The following CCDC174 variants were observed in gnomAD, a reference collection of about 807,000 sequenced individuals.
CCDC174 encodes the protein coiled-coil domain containing 174.
Under a neutral mutation model 57.1 loss-of-function variants are expected in CCDC174, and 37 were observed. The observed-to-expected ratio is 0.65, with a 90% confidence interval of 0.50 to 0.85. The LOEUF (loss-of-function observed/expected upper bound fraction) is 0.85, where lower values mean the gene tolerates loss of function less well. CCDC174 is among the 40% of genes least tolerant of loss of function. The pLI, the probability that CCDC174 is intolerant of heterozygous loss-of-function variation, is 0.00. For synonymous variants in CCDC174, 182 were observed against 190.2 expected (o/e 0.96, Z 0.35); for missense variants, 540 against 574.3 (o/e 0.94, Z 0.61).
chr3:14,669,291 T>G (rs1255029928), intron 9 of CCDC174, among the ~76,000 whole-genome samples: 3 of 152,132 alleles, frequency 2.0e-5, no homozygotes, highest in Non-Finnish European at 2.9e-5. Context: ...ACCAGAAACA[T>G]TTAGGAATTT....
chr3:14,667,141 G>A, intron 7 of CCDC174, 194 bp downstream of exon 7: 1 of 626,702 alleles, frequency 1.6e-6, no homozygotes, highest in Non-Finnish European at 2.7e-6. Context: ...CCTGACAGAG[G>A]GTCTGGTAAT....
At chr3:14,660,445 A>G (rs934450011) in intron 4 of CCDC174, among the ~76,000 whole-genome samples, 9 of 152,276 alleles carry the variant, frequency 5.9e-5, no homozygotes, top group Non-Finnish European at 1.0e-4. Flanking sequence ...CGGAGGTTGC[A>G]GTGAGCCAAG....
At chr3:14,660,008 A>C (rs937561626) in intron 4 of CCDC174, among the ~76,000 whole-genome samples, 2 of 152,188 alleles carry the variant, frequency 1.3e-5, no homozygotes, top group African/African-American at 4.8e-5. Flanking sequence ...GCTTCTTCCC[A>C]GACAGCAGGG....
chr3:14,666,035 C>T (rs2031322988), intron 6 of CCDC174, among the ~76,000 whole-genome samples: 2 of 63,958 alleles, frequency 3.1e-5, no homozygotes, highest in African/African-American at 8.0e-5. Context: ...GAGACTCCGT[C>T]TCAAAAAAAA....
At chr3:14,657,433 G>T (rs1004432480) in intron 3 of CCDC174, among the ~76,000 whole-genome samples, 1 of 152,238 alleles carries the variant, frequency 6.6e-6, no homozygotes, top group African/African-American at 2.4e-5. Context: ...TGCAGGCAGT[G>T]TCCCTGCTCT....
At chr3:14,659,432 A>T (rs1050207359) in intron 4 of CCDC174, among the ~76,000 whole-genome samples, 1 of 152,136 alleles carries the variant, frequency 6.6e-6, no homozygotes, top group African/African-American at 2.4e-5. Context: ...TACGCTTGTA[A>T]TTCCAGCACT....
At chr3:14,653,543 CA>C (rs1330854774) in intron 1 of CCDC174, among the ~76,000 whole-genome samples, 1 of 152,170 alleles carries the variant, frequency 6.6e-6, no homozygotes, top group Non-Finnish European at 1.5e-5. Flanking sequence ...ATCTGATTTA[CA>C]AATGCCCATC....
rs2031357277 is a variant in CCDC174, at chr3:14,666,827, A to C, written c.604A>C (p.Lys202Gln). 1 of 1,581,772 alleles carries C rather than the reference A, an allele frequency of 6.3e-7. No individual in the cohort carries two copies. ...GRLFISPANE[K>Q]TLLSEDMRKE... ...TAGTTTTATTAGTCCTGCTAATGAA[A>C]AAACCCTATTATCTGAAGATATGAG... The change falls in exon 7 of 11, where the codon AAA becomes CAA. Residue 202 changes from lysine to glutamine, a missense_variant. Coordinates refer to ENST00000383794, the MANE Select transcript of CCDC174 (RefSeq NM_016474.5).
chr3:14,669,494 A>C (rs2124849895), intron 9 of CCDC174, among the ~76,000 whole-genome samples: 1 of 152,222 alleles, frequency 6.6e-6, no homozygotes, highest in Non-Finnish European at 1.5e-5. Flanking sequence ...AACAGCCTAC[A>C]CCAGACCCCA....
intron 8 of CCDC174, 115 bp from the exon 9 acceptor site, chr3:14,667,934 A>T: frequency 1.0e-6 from 1 of 961,682 alleles, no homozygotes; most frequent in Non-Finnish European, 1.6e-6. Context: ...ACAGCTTCTT[A>T]GAGGTGGCCT....
chr3:14,667,963 C>T, intron 8 of CCDC174, 86 bp from the exon 9 acceptor site: 1 of 1,363,680 alleles, frequency 7.3e-7, no homozygotes, highest in Non-Finnish European at 1.0e-6. Context: ...ATTAACTAGT[C>T]TATTTTTAGA....
chr3:14,666,348 C>T (rs7612270), intron 6 of CCDC174, among the ~76,000 whole-genome samples: 6,425 of 152,182 alleles, frequency 0.042, 336 homozygotes, highest in African/African-American at 0.13. Context: ...GCTGGCCGGG[C>T]GCAGTGGCTC....
At chr3:14,662,443 T>C (rs2124840340) in intron 5 of CCDC174, among the ~76,000 whole-genome samples, 1 of 152,180 alleles carries the variant, frequency 6.6e-6, no homozygotes, top group East Asian at 1.9e-4. Context: ...TCCTGAATTT[T>C]GCCTATATGT....
Position 14,654,545 on chromosome 3 carries a change from C to A in CCDC174, c.147+15C>A. 7 of 1,213,302 alleles carry A rather than the reference C, an allele frequency of 5.8e-6. No individual in the cohort carries two copies. Among genetic ancestry groups the A allele is most frequent in the Non-Finnish European group, 8.4e-6 (7 of 831,472 alleles). 75.2% of individuals were successfully genotyped at this position (1,213,302 alleles called of 1,614,324 possible). A position where few individuals can be genotyped will look rare whatever the true frequency, so the allele number is the denominator to read the frequency against. ...CAACTAACAAGGTAAAAAATAAGATCTAATTATCTCCATTGGTTCCAAACA... is the reference window on the plus strand; with the variant it reads ...CAACTAACAAGGTAAAAAATAAGATATAATTATCTCCATTGGTTCCAAACA... On this transcript the variant is annotated intron_variant, in intron 2 of 10. Transcript: ENST00000383794.
At chr3:14,660,870 G>A (rs867812816) in intron 4 of CCDC174, among the ~76,000 whole-genome samples, 1 of 152,350 alleles carries the variant, frequency 6.6e-6, no homozygotes, top group South Asian at 2.1e-4. Flanking sequence ...GAGCTATCCT[G>A]GGTTAAATTA....
At chr3:14,664,876 G>A (rs963929151) in intron 5 of CCDC174, 152 bp from the exon 6 acceptor site, 13 of 654,820 alleles carry the variant, frequency 2.0e-5, no homozygotes, top group African/African-American at 1.8e-4. Flanking sequence ...GCTTTAAAAA[G>A]CATATTCCTA....
At chr3:14,668,466 A>G (rs1204027270) in intron 9 of CCDC174, among the ~76,000 whole-genome samples, 3 of 152,214 alleles carry the variant, frequency 2.0e-5, no homozygotes, top group Non-Finnish European at 1.5e-5. Context: ...ATTTTAAGAT[A>G]AAGTTTAGCT....
intron 5 of CCDC174, among the ~76,000 whole-genome samples, chr3:14,662,811 G>A (rs1439597307): frequency 1.3e-5 from 2 of 152,230 alleles, no homozygotes; most frequent in East Asian, 3.8e-4. Flanking sequence ...AGCAGTCCCA[G>A]CTACTGTGGA....
Position 14,661,642 on chromosome 3 carries a change from G to A in CCDC174, c.420G>A (p.Arg140=). ...GAGATTCTCAAAAGGCAGGAGAAAGGGACGACGATGAGGAAAACCTTCCTG... is the reference window on the plus strand; with the variant it reads ...GAGATTCTCAAAAGGCAGGAGAAAGAGACGACGATGAGGAAAACCTTCCTG... ...AHRDSQKAGE[R]DDDEENLPEG... is the part of the protein sequence containing the mutation. Residue 140 remains arginine (R), a synonymous_variant, in exon 5 of 11, where the codon AGG becomes AGA. Transcript: ENST00000383794. 1 of 1,614,196 alleles carries A rather than the reference G, an allele frequency of 6.2e-7. No individual in the cohort carries two copies. Among genetic ancestry groups the A allele is most frequent in the South Asian group, 1.1e-5 (1 of 91,086 alleles).
Sources: gnomAD v4.1 joint callset for allele counts (sites outside exome capture counted in the v4.1 genomes callset) on GRCh38, gnomAD v4.1.1 for gene constraint, MANE v1.5 for transcripts, NCBI Gene and HGNC (gene_info 2026-07-23, HGNC 2026-07-21) for gene names.